Variants in MUC4 observed in about 807,000 individuals in gnomAD.
The protein encoded by MUC4 is mucin-4.
In MUC4, 202 loss-of-function variants were observed where a neutral mutation model predicts 257.9. That is an observed-to-expected ratio of 0.78 (90% CI 0.70 to 0.88). The LOEUF (loss-of-function observed/expected upper bound fraction) is 0.88, where lower values mean the gene tolerates loss of function less well. MUC4 is among the 40% of genes least tolerant of loss of function. The probability of loss-of-function intolerance (pLI) is 0.00; values close to 1 mark genes in which losing one functional copy is unlikely to be tolerated. For missense variants in MUC4, 5,976 were observed against 6,513.7 expected (o/e 0.92, Z 2.84); for synonymous variants, 2,351 against 2,757.1 (o/e 0.85, Z 4.62).
chr3:195,801,316 A>C (rs2149067346), intron 1 of MUC4, among the ~76,000 whole-genome samples: 1 of 152,204 alleles, frequency 6.6e-6, no homozygotes, highest in South Asian at 2.1e-4. Flanking sequence ...TTGATATTGG[A>C]GAGAAACAGG....
intron 7 of MUC4, among the ~76,000 whole-genome samples, chr3:195,767,420 A>G (rs1181488796): frequency 1.7e-5 from 2 of 120,184 alleles, no homozygotes; most frequent in African/African-American, 6.6e-5. Context: ...GTCACCACCA[A>G]CACTACCATC....
chr3:195,750,734 C>T lies in MUC4; in HGVS notation c.15871+155G>A, dbSNP rs532729414. The T allele has an allele frequency of 1.3e-3, 921 of 730,950 alleles. 3 individuals carry two copies. Among genetic ancestry groups the T allele is most frequent in the East Asian group, 5.5e-3 (204 of 36,806 alleles). 45.3% of individuals were successfully genotyped at this position (730,950 alleles called of 1,614,324 possible). ...CAGCAGTGCTGGCTGCTCCTGCTCTCGAATCTAAAAAGCAGCTGGACAAAA... is the reference window on the plus strand; with the variant it reads ...CAGCAGTGCTGGCTGCTCCTGCTCTTGAATCTAAAAAGCAGCTGGACAAAA... On this transcript the variant is annotated intron_variant, in intron 23 of 24. Transcript: ENST00000463781.
chr3:195,747,443 C>T, intron 24 of MUC4, 63 bp from the exon 25 acceptor site: 1 of 1,541,932 alleles, frequency 6.5e-7, no homozygotes, highest in Non-Finnish European at 8.9e-7. Flanking sequence ...AGCCCCTCCT[C>T]TTCTGCTGGG....
intron 1 of MUC4, chr3:195,809,766 CA>C (rs1736454915): frequency 6.6e-6 from 1 of 152,394 alleles, no homozygotes; most frequent in Admixed American, 6.5e-5. Flanking sequence ...GTACCCAGCA[CA>C]TTTGGGCTCA....
At chr3:195,766,858 C>T in intron 7 of MUC4, 107 bp from the exon 8 acceptor site, 1 of 994,954 alleles carries the variant, frequency 1.0e-6, no homozygotes. Flanking sequence ...GGTCAACCAG[C>T]TAGGCGGGCA....
chr3:195,778,840 G>A lies in MUC4; in HGVS notation c.12740C>T (p.Thr4247Ile), dbSNP rs759195753. The A allele has an allele frequency of 6.8e-6, 11 of 1,612,360 alleles. No individual in the cohort carries two copies. Among genetic ancestry groups the A allele is most frequent in the Middle Eastern group, 1.7e-4 (1 of 6,054 alleles). The stretch of plus-strand genomic sequence containing the variant: ...GTCCGAGGATACTGTGGAAGCTGAG[G>A]TAGCACTGCTGACAGCAAGAGGGGT... ...HATPLAVSSA[T>I]SASTVSSDSP... Residue 4247 changes from threonine (T) to isoleucine (I), a missense_variant, in exon 2 of 25, where the codon ACC (threonine) becomes ATC (isoleucine). By Grantham distance (89) the Thr-to-Ile change is moderately conservative (BLOSUM62 -1). Transcript: ENST00000463781.
In MUC4 at chr3:195,790,330, G is replaced by T. The variant is rs200592517; in HGVS notation, c.1250C>A (p.Thr417Asn). Residue 417 changes from threonine (T) to asparagine (N), a missense_variant, in exon 2 of 25, where the codon ACC becomes AAC. Transcript: ENST00000463781. ...AACTTTGGAAGTGATTGCAGAAATGGTTCCACTTACAGATAGTGATGTCTC... is the reference window on the plus strand; with the variant it reads ...AACTTTGGAAGTGATTGCAGAAATGTTTCCACTTACAGATAGTGATGTCTC... ...TEETSLSVSG[T>N]ISAITSKVST... 5.1e-5 allele frequency: 83 copies of T among 1,613,888 alleles called. 1 individual carries two copies. The African/African-American group carries it at 8.8e-4, about 17-fold the overall frequency.
chr3:195,767,480 TCAC>T (rs1354631680), intron 7 of MUC4, among the ~76,000 whole-genome samples: 31 of 45,030 alleles, frequency 6.9e-4, no homozygotes, highest in African/African-American at 1.9e-3. Flanking sequence ...ACCATCACCA[TCAC>T]CACCACCATC....
Position 195,781,620 on chromosome 3 carries a change from T to G in MUC4, c.9960A>C (p.Ser3320=). 2.2e-6 allele frequency: 1 copy of G among 445,636 alleles called. No individual in the cohort carries two copies. Among genetic ancestry groups the G allele is most frequent in the Middle Eastern group, 6.0e-4 (1 of 1,658 alleles). 27.6% of individuals were successfully genotyped at this position (445,636 alleles called of 1,614,324 possible). A position where few individuals can be genotyped will look rare whatever the true frequency, so the allele number is the denominator to read the frequency against. The change falls in exon 2 of 25, where the codon TCA becomes TCC. Residue 3320 remains serine, a synonymous_variant. Coordinates refer to ENST00000463781, the MANE Select transcript of MUC4 (RefSeq NM_018406.7). The part of the protein sequence containing the change: ...ATPLLVTDAS[S]ASTGHATPLH... ...GAGGGGTGGCGTGACCTGTGGATGC[T>G]GAGGAAGCGTCGGTGACAAGAAGAG...
rs1209840080 is a variant in MUC4, at chr3:195,790,948, G to A, written c.632C>T (p.Thr211Ile). The change falls in exon 2 of 25, where the codon ACC becomes ATC. Residue 211 changes from threonine to isoleucine, a missense_variant. Physicochemically the swap from Thr to Ile is moderately conservative, Grantham distance 89. Transcript: ENST00000463781. ...AGTGGTTCTGTGTGTTAGGGTGCTGGTTTGAGATTCCCTGGTGGTCTGCGT... is the reference window on the plus strand; with the variant it reads ...AGTGGTTCTGTGTGTTAGGGTGCTGATTTGAGATTCCCTGGTGGTCTGCGT... ...RSTQTTRESQTSTLTHRTTST... is the reference protein window; with the variant it reads ...RSTQTTRESQISTLTHRTTST... The A allele has an allele frequency of 6.2e-6, 10 of 1,613,876 alleles. No individual in the cohort carries two copies. The highest frequency in any genetic ancestry group is 8.5e-6 in the Non-Finnish European group (10 of 1,179,898).
At chr3:195,803,704 T>C (rs1227582756) in intron 1 of MUC4, among the ~76,000 whole-genome samples, 1 of 152,218 alleles carries the variant, frequency 6.6e-6, no homozygotes, top group Non-Finnish European at 1.5e-5. Context: ...AATTGAGATT[T>C]GAAGAGACCG....
rs775262379 is a variant in MUC4, at chr3:195,747,290, C to T, written c.16125G>A (p.Gly5375=). 1.7e-5 allele frequency: 28 copies of T among 1,614,050 alleles called. No homozygotes were observed. Among genetic ancestry groups the T allele is most frequent in the Non-Finnish European group, 2.3e-5 (27 of 1,179,984 alleles). Reference sequence around the variant, plus strand: ...CCAGCAGCAAGAGGCCGCCCAGGGCCCCAAAGAAGATGCCGAAGAACGCGT... The same window carrying T: ...CCAGCAGCAAGAGGCCGCCCAGGGCTCCAAAGAAGATGCCGAAGAACGCGT... The part of the protein sequence containing the change: ...KLDAFFGIFF[G]ALGGLLLLGV... Residue 5375 remains glycine, a synonymous_variant, in exon 25 of 25, where the codon GGG becomes GGA. Coordinates refer to ENST00000463781, the MANE Select transcript of MUC4 (RefSeq NM_018406.7).
At chr3:195,778,257 T>A in intron 3 of MUC4, 46 bp downstream of exon 3, 2 of 1,538,080 alleles carry the variant, frequency 1.3e-6, no homozygotes, top group Non-Finnish European at 1.7e-6. Flanking sequence ...GAGCCTTCAG[T>A]TACATCACCC....
At chr3:195,802,011 G>A (rs1735391904) in intron 1 of MUC4, among the ~76,000 whole-genome samples, 4 of 151,872 alleles carry the variant, frequency 2.6e-5, no homozygotes, top group Admixed American at 2.6e-4. Context: ...TCCCTCTCTG[G>A]CCACCCTGCG....
intron 1 of MUC4, among the ~76,000 whole-genome samples, chr3:195,793,695 T>C (rs1734174410): frequency 6.6e-6 from 1 of 152,146 alleles, no homozygotes; most frequent in African/African-American, 2.4e-5. Context: ...ACTAGAATGG[T>C]GAATTAACTG....
intron 1 of MUC4, among the ~76,000 whole-genome samples, chr3:195,804,255 C>A (rs2149074766): frequency 6.6e-6 from 1 of 152,330 alleles, no homozygotes; most frequent in East Asian, 1.9e-4. Context: ...TGAACCACGT[C>A]AGGTGGGAGA....
chr3:195,798,526 C>T (rs570843329), intron 1 of MUC4, among the ~76,000 whole-genome samples: 81 of 151,984 alleles, frequency 5.3e-4, no homozygotes, highest in African/African-American at 1.9e-3. Context: ...ACAGGGTGAA[C>T]CCCCGTCTCT....
intron 4 of MUC4, among the ~76,000 whole-genome samples, chr3:195,773,365 C>A (rs1344765204): frequency 1.3e-5 from 2 of 151,198 alleles, no homozygotes; most frequent in African/African-American, 4.9e-5. Flanking sequence ...GGTGTAGACA[C>A]CCTCTCTCCA....
At position 195,783,490 on chromosome 3, in the gene MUC4, G is replaced by A. The variant is rs199950848; in HGVS notation, c.8090C>T (p.Ala2697Val). Residue 2697 changes from alanine (A) to valine (V), a missense_variant, in exon 2 of 25, where the codon GCA (alanine) becomes GTA (valine). Around this residue, in one of 44 missense-constraint regions of MUC4, gnomAD observed 75 missense variants for 58.7 expected, o/e 1.28. Transcript: ENST00000463781. ...AAGAGAGGTGGTGTCACCTGTGGAT[G>A]CTGAGGAAGTGTCGGTGACAGGAAG... ...TSLPVTDTSS[A>V]STGDTTSLPV... The A allele has an allele frequency of 3.8e-5, 35 of 929,960 alleles. 2 individuals are homozygous for A. The African/African-American group carries it at 1.2e-3, about 32-fold the overall frequency. The allele number at this position is 929,960 out of a possible 1,614,324, so 57.6% of individuals were successfully genotyped here. A position where few individuals can be genotyped will look rare whatever the true frequency, so the allele number is the denominator to read the frequency against.
Sources: allele counts gnomAD v4.1 joint callset (sites outside exome capture counted in the v4.1 genomes callset), GRCh38; gene constraint gnomAD v4.1.1; regional missense constraint gnomAD v4.1.1; transcripts MANE v1.5; gene names NCBI Gene and HGNC (gene_info 2026-07-23, HGNC 2026-07-21).